C3: variants seen among roughly 807,000 people sequenced by gnomAD.
C3 encodes the protein complement C3.
A neutral mutation model predicts 207.9 loss-of-function variants in C3; 97 were observed. The observed-to-expected ratio is 0.47, with a 90% CI of 0.40 to 0.55. The LOEUF is 0.55. Among genes scored for constraint, C3 ranks in the 20% least tolerant of loss-of-function variants. The pLI is 0.00. For synonymous variants in C3, 848 were observed against 857.6 expected, an observed-to-expected ratio of 0.99 and a Z score of 0.20; for missense variants, 1,684 against 2,171.7, an observed-to-expected ratio of 0.78 and a Z score of 4.46.
rs1349874371 is a variant in C3 at position 6,678,446 on chromosome 19, G to T, written c.4640C>A (p.Thr1547Asn). The change falls in exon 39 of 41, where the codon ACC becomes AAC. Residue 1547 changes from threonine to asparagine, a missense_variant. Thr to Asn is a moderately conservative substitution (Grantham distance 65). Coordinates refer to ENST00000245907, the MANE Select transcript of C3 (RefSeq NM_000064.4). The stretch of plus-strand genomic sequence containing the variant: ...GGACAGCTGAACCTTGACCAGTCGG[G>T]TCTTGTACACTGTGGGGGAGAGGCA... ...CEPGVDYVYK[T>N]RLVKVQLSND... is the part of the protein sequence containing the mutation. 6.2e-7 allele frequency: 1 copy of T among 1,614,080 alleles called. No individual in the cohort carries two copies. The highest frequency in any genetic ancestry group is 2.2e-5 in the East Asian group (1 of 44,886).
At chr19:6,696,098 T>C (rs1452276675) in intron 23 of C3, among the ~76,000 whole-genome samples, 2 of 149,954 alleles carry the variant, frequency 1.3e-5, no homozygotes, top group Non-Finnish European at 1.5e-5. Context: ...TAGTCCCAGC[T>C]ACTCGGGAGG....
intron 31 of C3, 59 bp downstream of exon 31, chr19:6,684,716 G>A (rs1917955260): frequency 6.3e-7 from 1 of 1,595,504 alleles, no homozygotes; most frequent in Non-Finnish European, 8.6e-7. Context: ...GACAAGAGGA[G>A]ATGGTCCCTC....
chr19:6,683,595 C>T (rs1277338968), intron 33 of C3, among the ~76,000 whole-genome samples: 3 of 151,868 alleles, frequency 2.0e-5, no homozygotes, highest in Admixed American at 2.0e-4. Flanking sequence ...GGACTACAGG[C>T]ACCCGCCACC....
intron 27 of C3, among the ~76,000 whole-genome samples, chr19:6,689,327 A>G: frequency 2.0e-5 from 1 of 49,690 alleles, no homozygotes; most frequent in Non-Finnish European, 3.6e-5. Flanking sequence ...CTCTCTACCT[A>G]CCTCCCTCCC....
chr19:6,715,621 T>G (rs1213739717), intron 4 of C3, among the ~76,000 whole-genome samples: 10 of 70,028 alleles, frequency 1.4e-4, no homozygotes, highest in East Asian at 1.5e-3. Context: ...TTTTTTTTGT[T>G]TTTTTTGTTT....
In C3 at chr19:6,719,199, GT is replaced by G; in HGVS notation, c.267+11del. On this transcript the variant is annotated intron_variant, in intron 2 of 40. Coordinates refer to ENST00000245907, the MANE Select transcript of C3 (RefSeq NM_000064.4). This position sits in a 1 kb window ranked among gnomAD's most constrained non-coding sequence, Gnocchi z 5.4. ...TGGGTGTCAGCCGGGTCCTGCGCCAGTCTGCACTCACCGTGAAGGTGACGTT... is the reference window on the plus strand; with the variant it reads ...TGGGTGTCAGCCGGGTCCTGCGCCAGCTGCACTCACCGTGAAGGTGACGTT... The G allele has an allele frequency of 6.2e-7, 1 of 1,613,248 alleles. No homozygotes were observed. The highest frequency in any genetic ancestry group is 2.2e-5 in the East Asian group (1 of 44,856).
At chr19:6,696,036 T>C (rs562543957) in intron 23 of C3, among the ~76,000 whole-genome samples, 5 of 151,226 alleles carry the variant, frequency 3.3e-5, no homozygotes, top group Non-Finnish European at 5.9e-5. Flanking sequence ...GGTGAAACCC[T>C]GTCTCTACTA....
In C3 at chr19:6,678,144, G is replaced by A. The variant is rs1305834827; in HGVS notation, c.4850+8C>T. On this transcript the variant is annotated splice_region_variant and intron_variant, in intron 40 of 40. Coordinates refer to ENST00000245907, the MANE Select transcript of C3 (RefSeq NM_000064.4). ...GCGGTCGCGCGCACGCGCAGGGAAA[G>A]CACTCACTTGGGCTTCTCTCCCCAG... 6.2e-7 allele frequency: 1 copy of A among 1,614,198 alleles called. No homozygotes were observed. Among genetic ancestry groups the A allele is most frequent in the Non-Finnish European group, 8.5e-7 (1 of 1,180,030 alleles).
chr19:6,684,407 T>C lies in C3; in HGVS notation c.4153A>G (p.Ile1385Val). 1 of 1,613,976 alleles carries C rather than the reference T, an allele frequency of 6.2e-7. No individual in the cohort carries two copies. Among genetic ancestry groups the C allele is most frequent in the Non-Finnish European group, 8.5e-7 (1 of 1,179,858 alleles). ...TCTTACCTGGTACAGATCTCAAGGA[T>C]CATAGTGTTCTTGGCATCCTGAGGC... ...KRPQDAKNTM[I>V]LEICTRYRGD... is the part of the protein sequence containing the mutation. The change falls in exon 33 of 41, where the codon ATC becomes GTC. Residue 1385 changes from isoleucine to valine, a missense_variant. Physicochemically the swap from Ile to Val is conservative, Grantham distance 29 (BLOSUM62 3). Around this residue, in one of 3 missense-constraint regions of C3, gnomAD observed 346 missense variants for 380.1 expected, o/e 0.91. Coordinates refer to ENST00000245907, the MANE Select transcript of C3 (RefSeq NM_000064.4).
intron 17 of C3, 137 bp downstream of exon 17, chr19:6,706,939 C>G (rs535463628): frequency 1.5e-6 from 1 of 679,484 alleles, no homozygotes; most frequent in Admixed American, 2.5e-5. Flanking sequence ...CCCCCTCAGA[C>G]AGGGGCCTCC....
intron 5 of C3, 40 bp from the exon 6 acceptor site, chr19:6,714,288 GC>G (rs774491432): frequency 6.2e-7 from 1 of 1,610,600 alleles, no homozygotes; most frequent in South Asian, 1.1e-5. Flanking sequence ...AGGCCTCGGA[GC>G]CCCCCTGCTC....
chr19:6,720,531 G>A lies in C3; in HGVS notation c.59C>T (p.Ala20Val). ...AACCACTCACATGGGACTCCCCAGA[G>A]CCAGGGGGAGGTGGGTTAGTAGCAG... ...LLLLLTHLPL[A>V]LGSPMYSIIT... is the part of the protein sequence containing the mutation. Residue 20 changes from alanine to valine, a missense_variant, in exon 1 of 41, where the codon GCT (alanine) becomes GTT (valine). Ala to Val is a moderately conservative substitution (Grantham distance 64). Coordinates refer to ENST00000245907, the MANE Select transcript of C3 (RefSeq NM_000064.4). 1 of 1,593,164 alleles carries A rather than the reference G, an allele frequency of 6.3e-7. No homozygotes were observed. Among genetic ancestry groups the A allele is most frequent in the Non-Finnish European group, 8.6e-7 (1 of 1,169,548 alleles).
At chr19:6,691,247 T>G (rs768471868) in intron 26 of C3, among the ~76,000 whole-genome samples, 1 of 152,048 alleles carries the variant, frequency 6.6e-6, no homozygotes, top group African/African-American at 2.4e-5. Flanking sequence ...AGAGATGGGG[T>G]TTCCCCTGTT....
At chr19:6,705,300 G>T (rs1438197821) in intron 17 of C3, among the ~76,000 whole-genome samples, 1 of 151,144 alleles carries the variant, frequency 6.6e-6, no homozygotes, top group African/African-American at 2.4e-5. Context: ...TTCTAAATTT[G>T]CTTGAATTTT....
rs1424103321 is a variant in C3, at chr19:6,680,243, G to A, written c.4371C>T (p.Asp1457=). 1 of 1,609,330 alleles carries A rather than the reference G, an allele frequency of 6.2e-7. No individual in the cohort carries two copies. The highest frequency in any genetic ancestry group is 1.3e-5 in the African/African-American group (1 of 74,802). ...ATTGGTGAACTTTGAAAGCTAGACA[G>A]TCATCCTCAGAGTGTGAGACCTGAG... ...YLDKVSHSED[D]CLAFKVHQYF... is the part of the protein sequence containing the mutation. Residue 1457 remains aspartate (D), a synonymous_variant, in exon 36 of 41, where the codon GAC becomes GAT. Coordinates refer to ENST00000245907, the MANE Select transcript of C3 (RefSeq NM_000064.4).
At chr19:6,710,239 A>G (rs867466425) in intron 13 of C3, among the ~76,000 whole-genome samples, 8 of 106,698 alleles carry the variant, frequency 7.5e-5, no homozygotes, top group Admixed American at 3.6e-4. Flanking sequence ...AGAGAGAGGG[A>G]GAGAGAGAAA....
In C3 at chr19:6,682,227, T is replaced by C. The variant is rs111228502; in HGVS notation, c.4175A>G (p.Tyr1392Cys). The change falls in exon 34 of 41, where the codon TAC (tyrosine) becomes TGC (cysteine). Residue 1392 changes from tyrosine to cysteine, a missense_variant and splice_region_variant. Physicochemically the swap from Tyr to Cys is radical, Grantham distance 194. This residue lies in a region of C3 where 346 missense variants were observed against 380.1 expected (regional missense o/e 0.91). Transcript: ENST00000245907. ...NTMILEICTR[Y>C]RGDQDATMSI... ...CATAGTGGCATCCTGGTCTCCCCGG[T>C]ACCTGGATAGTGCAGAAAGAAGGGC... The C allele has an allele frequency of 6.2e-7, 1 of 1,611,554 alleles. No homozygotes were observed. Among genetic ancestry groups the C allele is most frequent in the Non-Finnish European group, 8.5e-7 (1 of 1,177,638 alleles).
rs772664157 is a variant in C3 at position 6,702,586 on chromosome 19, G to A, written c.2246-7C>T. 1.9e-6 allele frequency: 3 copies of A among 1,592,694 alleles called. No individual in the cohort carries two copies. The highest frequency in any genetic ancestry group is 1.3e-5 in the African/African-American group (1 of 74,646). On this transcript the variant is annotated splice_polypyrimidine_tract_variant and splice_region_variant and intron_variant, in intron 17 of 40. Transcript: ENST00000245907. Reference sequence around the variant, plus strand: ...ATGTCCTCATCCAGGTTACCTGCAGGGGGTTTAGATCTGCATTTAGAACAG... The same window carrying A: ...ATGTCCTCATCCAGGTTACCTGCAGAGGGTTTAGATCTGCATTTAGAACAG...
intron 19 of C3, among the ~76,000 whole-genome samples, chr19:6,700,916 C>T (rs1334018054): frequency 6.7e-6 from 1 of 150,366 alleles, no homozygotes; most frequent in Non-Finnish European, 1.5e-5. Flanking sequence ...CCGAGTGAGA[C>T]TCCTTCTCAA....
Sources: allele counts gnomAD v4.1 joint callset (sites outside exome capture counted in the v4.1 genomes callset), GRCh38; gene constraint gnomAD v4.1.1; regional missense constraint gnomAD v4.1.1; non-coding constraint Gnocchi (gnomAD v3.1); transcripts MANE v1.5; gene names NCBI Gene and HGNC (gene_info 2026-07-23, HGNC 2026-07-21).